Variants in TOPBP1 observed in about 807,000 individuals in gnomAD.
TOPBP1 encodes DNA topoisomerase 2-binding protein 1.
TOPBP1 carries 28 observed loss-of-function variants against 167.7 expected under a neutral mutation model. The ratio of observed to expected loss-of-function variants is 0.17; its 90% CI spans 0.12 to 0.23. The LOEUF (loss-of-function observed/expected upper bound fraction) is 0.23. TOPBP1 is among the 10% of genes least tolerant of loss of function. The pLI, the probability that TOPBP1 is intolerant of heterozygous loss-of-function variation, is 1.00. For synonymous variants in TOPBP1, 598 were observed against 611.4 expected, an observed-to-expected ratio of 0.98 and a Z score of 0.32; for missense variants, 1,554 against 1,809.6, an observed-to-expected ratio of 0.86 and a Z score of 2.56.
chr3:133,648,386 T>C (rs867464412), intron 10 of TOPBP1, among the ~76,000 whole-genome samples: 6 of 152,208 alleles, frequency 3.9e-5, no homozygotes, highest in African/African-American at 1.4e-4. Context: ...ACTGACCATA[T>C]AAAAGCATAA....
chr3:133,601,414 G>C (rs1934295516), intron 27 of TOPBP1, 21 bp from the exon 28 acceptor site: 1 of 1,434,426 alleles, frequency 7.0e-7, no homozygotes, highest in South Asian at 1.4e-5. Flanking sequence ...AAAAATAAGT[G>C]ATTTTTTAAA....
chr3:133,624,160 T>C lies in TOPBP1; in HGVS notation c.2820A>G (p.Glu940=). The C allele has an allele frequency of 6.2e-7, 1 of 1,613,566 alleles. No homozygotes were observed. Among genetic ancestry groups the C allele is most frequent in the Non-Finnish European group, 8.5e-7 (1 of 1,179,786 alleles). The part of the protein sequence containing the change: ...LGADYRWSFD[E]TVTHFIYQGR... ...CTTGATAGATGAAATGAGTCACTGTTTCATCAAAACTCCACCTGAAATAAC... is the reference window on the plus strand; with the variant it reads ...CTTGATAGATGAAATGAGTCACTGTCTCATCAAAACTCCACCTGAAATAAC... The change falls in exon 17 of 28, where the codon GAA becomes GAG. Residue 940 remains glutamate, a synonymous_variant. Transcript: ENST00000260810.
intron 27 of TOPBP1, among the ~76,000 whole-genome samples, chr3:133,606,832 C>T (rs1194135944): frequency 6.6e-6 from 1 of 152,004 alleles, no homozygotes; most frequent in Non-Finnish European, 1.5e-5. Flanking sequence ...CTAGTCCATA[C>T]CTCAGAGCAT....
At chr3:133,618,486 A>C in intron 20 of TOPBP1, 53 bp from the exon 21 acceptor site, 49 of 1,550,732 alleles carry the variant, frequency 3.2e-5, no homozygotes, top group Non-Finnish European at 3.7e-5. Context: ...ATCCAAACTC[A>C]TTAAATCCAT....
chr3:133,635,505 C>T lies in TOPBP1; in HGVS notation c.2520+2371G>A, dbSNP rs1049212746. On this transcript the variant is annotated intron_variant, in intron 14 of 27. Coordinates refer to ENST00000260810, the MANE Select transcript of TOPBP1 (RefSeq NM_007027.4). Reference sequence around the variant, plus strand: ...TCCTGGTCTCAAGTGAGGCTCCCACCTCAGCCTCCCAAAATGCTGGGATTA... The same window carrying T: ...TCCTGGTCTCAAGTGAGGCTCCCACTTCAGCCTCCCAAAATGCTGGGATTA... Among the ~76,000 whole-genome samples, 6 of 152,320 alleles carry T rather than the reference C, an allele frequency of 3.9e-5. No individual in the cohort carries two copies. In the South Asian group the frequency reaches 1.2e-3, roughly 32 times the overall value.
intron 27 of TOPBP1, among the ~76,000 whole-genome samples, chr3:133,607,815 A>G (rs1934540526): frequency 1.3e-5 from 2 of 152,332 alleles, no homozygotes; most frequent in African/African-American, 4.8e-5. Context: ...GTGGATACTA[A>G]TCAGTATGCC....
intron 27 of TOPBP1, among the ~76,000 whole-genome samples, chr3:133,607,809 A>ATAC (rs1265655028): frequency 6.6e-6 from 1 of 152,240 alleles, no homozygotes; most frequent in African/African-American, 2.4e-5. Context: ...AAAATCGTGG[A>ATAC]TACTAATCAG....
intron 19 of TOPBP1, among the ~76,000 whole-genome samples, chr3:133,622,185 G>GGTTT (rs765836012): frequency 1.9e-5 from 2 of 106,448 alleles, no homozygotes; most frequent in African/African-American, 7.5e-5. Flanking sequence ...CACCATTTAT[G>GGTTT]TTTTTTTTTT....
At chr3:133,611,590 A>G (rs1487180679) in intron 24 of TOPBP1, among the ~76,000 whole-genome samples, 2 of 152,222 alleles carry the variant, frequency 1.3e-5, no homozygotes, top group African/African-American at 4.8e-5. Flanking sequence ...TCAATTAAAA[A>G]CAACACTAAC....
intron 3 of TOPBP1, 74 bp from the exon 4 acceptor site, chr3:133,658,015 C>T: frequency 8.0e-7 from 1 of 1,251,180 alleles, no homozygotes; most frequent in Non-Finnish European, 1.1e-6. Context: ...CATTTTGTAA[C>T]ATTCACCAAT....
rs934352144 is a variant in TOPBP1, at chr3:133,614,469, T to C, written c.3872-1917A>G. On this transcript the variant is annotated intron_variant, in intron 23 of 27. Coordinates refer to ENST00000260810, the MANE Select transcript of TOPBP1 (RefSeq NM_007027.4). ...CAGTTGGCCACAGTTGCTTCATTTA[T>C]AAAATGAAGGATTGGGCATAATATC... 4.6e-5 allele frequency among the ~76,000 whole-genome samples: 7 copies of C among 152,336 alleles called. No individual in the cohort carries two copies. In the East Asian group the frequency reaches 1.4e-3, roughly 29 times the overall value.
At chr3:133,652,144 A>T (rs1423564095) in intron 8 of TOPBP1, among the ~76,000 whole-genome samples, 1 of 152,174 alleles carries the variant, frequency 6.6e-6, no homozygotes, top group Non-Finnish European at 1.5e-5. Flanking sequence ...AAATTAAAAA[A>T]AAAAAATCCA....
chr3:133,611,277 T>A (rs950370975), intron 24 of TOPBP1, 136 bp from the exon 25 acceptor site: 3 of 665,394 alleles, frequency 4.5e-6, no homozygotes, highest in Non-Finnish European at 4.4e-6. Context: ...CAGACAGTAC[T>A]AAGTAAATAT....
chr3:133,621,066 C>T (rs771417850), intron 19 of TOPBP1, among the ~76,000 whole-genome samples: 18 of 152,168 alleles, frequency 1.2e-4, no homozygotes, highest in Non-Finnish European at 2.1e-4. Context: ...GGCTGGACTG[C>T]AGTGGTATGG....
At chr3:133,614,442 A>ATCAGTTGGCC (rs1460486576) in intron 23 of TOPBP1, among the ~76,000 whole-genome samples, 1 of 152,194 alleles carries the variant, frequency 6.6e-6, no homozygotes, top group Non-Finnish European at 1.5e-5. Context: ...ATACATATAT[A>ATCAGTTGGCC]TCAGTTGGCC....
intron 19 of TOPBP1, among the ~76,000 whole-genome samples, chr3:133,620,794 T>TG (rs1235681332): frequency 6.6e-6 from 1 of 151,990 alleles, no homozygotes; most frequent in Non-Finnish European, 1.5e-5. Flanking sequence ...AGGCTGGTCT[T>TG]GAACTCCTGA....
intron 23 of TOPBP1, among the ~76,000 whole-genome samples, chr3:133,613,478 G>C (rs897782036): frequency 1.3e-5 from 2 of 152,192 alleles, no homozygotes; most frequent in African/African-American, 4.8e-5. Flanking sequence ...GGGTAACCAG[G>C]GAGATGGAAG....
rs1935743839 is a variant in TOPBP1 at position 133,638,136 on chromosome 3, T to C, written c.2260A>G (p.Asn754Asp). 1 of 1,613,544 alleles carries C rather than the reference T, an allele frequency of 6.2e-7. No homozygotes were observed. The highest frequency in any genetic ancestry group is 1.3e-5 in the African/African-American group (1 of 75,032). Residue 754 changes from asparagine to aspartate, a missense_variant, in exon 14 of 28, where the codon AAT becomes GAT. By Grantham distance (23) the Asn-to-Asp change is conservative. This residue lies in a region of TOPBP1 where 1,197 missense variants were observed against 1,351.5 expected (regional missense o/e 0.89). Coordinates refer to ENST00000260810, the MANE Select transcript of TOPBP1 (RefSeq NM_007027.4). ...EERSLETEITNGINLNSDTAE... is the reference protein window; with the variant it reads ...EERSLETEITDGINLNSDTAE... ...GTATCTGAATTTAGATTGATTCCAT[T>C]TGTTATTTCTGTTTCCAAACTTCGT... is the stretch of plus-strand genomic sequence containing the variant.
At chr3:133,618,177 T>TA (rs773904929) in intron 21 of TOPBP1, 36 bp downstream of exon 21, 106 of 1,546,746 alleles carry the variant, frequency 6.9e-5, no homozygotes, top group Non-Finnish European at 9.3e-5. Context: ...AACATGTACT[T>TA]AATACAAACA....
Sources: allele counts gnomAD v4.1 joint callset (sites outside exome capture counted in the v4.1 genomes callset), GRCh38; gene constraint gnomAD v4.1.1; regional missense constraint gnomAD v4.1.1; transcripts MANE v1.5; gene names NCBI Gene and HGNC (gene_info 2026-07-23, HGNC 2026-07-21).